CAMK1D: variants seen among roughly 807,000 people sequenced by gnomAD.
CAMK1D encodes calcium/calmodulin dependent protein kinase ID.
Under a neutral mutation model 47.7 loss-of-function variants are expected in CAMK1D, and 9 were observed. That is an observed-to-expected ratio of 0.19 (90% CI 0.11 to 0.33). The LOEUF (loss-of-function observed/expected upper bound fraction) is 0.33, where lower values mean the gene tolerates loss of function less well. CAMK1D is among the 10% of genes least tolerant of loss of function. The pLI is 1.00. For missense variants in CAMK1D, 291 were observed against 488.7 expected (o/e 0.60, Z 3.81); for synonymous variants, 184 against 184.9 (o/e 0.99, Z 0.04).
chr10:12,629,580 G>GT (rs1839319203), intron 2 of CAMK1D, among the ~76,000 whole-genome samples: 1 of 152,128 alleles, frequency 6.6e-6, no homozygotes, highest in South Asian at 2.1e-4. Flanking sequence ...GTGTGGGAGG[G>GT]TCCTGATTAT....
At position 12,413,419 on chromosome 10, in the gene CAMK1D, C is replaced by G. The variant is rs1231392942; in HGVS notation, c.92+63509C>G. Among the ~76,000 whole-genome samples, 8 of 140,018 alleles carry G rather than the reference C, an allele frequency of 5.7e-5. No individual in the cohort carries two copies. In the Admixed American group the frequency reaches 5.8e-4, roughly 10 times the overall value. 91.9% of individuals were successfully genotyped at this position (140,018 alleles called of 152,430 possible). A position where few individuals can be genotyped will look rare whatever the true frequency, so the allele number is the denominator to read the frequency against. ...ATAACATTTGGGCAGGGACAAATATCCAAACTTTATCAGTGTGTTAGAGAG... is the reference window on the plus strand; with the variant it reads ...ATAACATTTGGGCAGGGACAAATATGCAAACTTTATCAGTGTGTTAGAGAG... On this transcript the variant is annotated intron_variant, in intron 1 of 10. Transcript: ENST00000619168.
At chr10:12,697,931 C>T (rs1167208578) in intron 3 of CAMK1D, among the ~76,000 whole-genome samples, 60 of 152,032 alleles carry the variant, frequency 3.9e-4, no homozygotes, top group Non-Finnish European at 5.9e-5. Context: ...GGAAATGGCT[C>T]TTGTAATTTT....
At chr10:12,725,160 A>G (rs1206805104) in intron 3 of CAMK1D, 2 of 153,840 alleles carry the variant, frequency 1.3e-5, no homozygotes, top group East Asian at 1.9e-4. Flanking sequence ...CCTGCCTGGT[A>G]CCTGCCCACA....
Position 12,611,588 on chromosome 10 carries a change from C to CTTTTTTTTTTTTTTT in CAMK1D, c.225-55141_225-55127dup, listed in dbSNP as rs71386105. Among the ~76,000 whole-genome samples the CTTTTTTTTTTTTTTT allele has an allele frequency of 1.6e-3, 96 of 59,946 alleles. 26 individuals carry two copies. The highest frequency in any genetic ancestry group is 0.037 in the Middle Eastern group (2 of 54). The allele number at this position is 59,946 out of a possible 152,430, so 39.3% of individuals were successfully genotyped here. A position where few individuals can be genotyped will look rare whatever the true frequency, so the allele number is the denominator to read the frequency against. On this transcript the variant is annotated intron_variant, in intron 2 of 10. Coordinates refer to ENST00000619168, the MANE Select transcript of CAMK1D (RefSeq NM_153498.4). ...CAGTTCCCTGAATGTTTCAGAATGCCTTTTTTTTTTTTTTTTTTTTTGAGA... is the reference window on the plus strand; with the variant it reads ...CAGTTCCCTGAATGTTTCAGAATGCCTTTTTTTTTTTTTTTTTTTTTTTTTTTTTTTTTTTTGAGA...
intron 5 of CAMK1D, among the ~76,000 whole-genome samples, chr10:12,781,604 C>A (rs1392455578): frequency 6.6e-6 from 1 of 151,594 alleles, no homozygotes; most frequent in Non-Finnish European, 1.5e-5. Context: ...TGTGGTGAAA[C>A]TCGAGGCTAC....
chr10:12,418,938 C>G (rs1839948820), intron 1 of CAMK1D, among the ~76,000 whole-genome samples: 1 of 152,108 alleles, frequency 6.6e-6, no homozygotes. Flanking sequence ...GGTGGAAGGC[C>G]TCAGTCGCGG....
chr10:12,716,514 G>C (rs145937109), intron 3 of CAMK1D, among the ~76,000 whole-genome samples: 9 of 152,258 alleles, frequency 5.9e-5, no homozygotes, highest in African/African-American at 2.2e-4. Context: ...GGGAGACAGA[G>C]GGGCTCTGAG....
chr10:12,703,623 C>T (rs1833614380), intron 3 of CAMK1D, among the ~76,000 whole-genome samples: 1 of 152,188 alleles, frequency 6.6e-6, no homozygotes, highest in South Asian at 2.1e-4. Flanking sequence ...AAACCCAGCA[C>T]TTTGGGAGGC....
intron 1 of CAMK1D, among the ~76,000 whole-genome samples, chr10:12,415,069 T>C (rs533885405): frequency 1.0e-3 from 154 of 152,284 alleles, no homozygotes; most frequent in African/African-American, 3.6e-3. Flanking sequence ...TTTCCTCTTG[T>C]TTTCATGTGT....
At chr10:12,741,233 G>C (rs1057417031) in intron 3 of CAMK1D, among the ~76,000 whole-genome samples, 3 of 152,216 alleles carry the variant, frequency 2.0e-5, no homozygotes, top group African/African-American at 4.8e-5. Context: ...CTCTCTGAGA[G>C]CCTGAGTACT....
intron 1 of CAMK1D, among the ~76,000 whole-genome samples, chr10:12,364,031 T>C (rs1290241374): frequency 6.6e-6 from 1 of 152,104 alleles, no homozygotes; most frequent in Non-Finnish European, 1.5e-5. Flanking sequence ...CGCCATACTG[T>C]TTTCCACAGC....
At chr10:12,457,929 T>G (rs1433476618) in intron 1 of CAMK1D, among the ~76,000 whole-genome samples, 1 of 152,090 alleles carries the variant, frequency 6.6e-6, no homozygotes, top group Non-Finnish European at 1.5e-5. Context: ...TGATTGGGAA[T>G]AGGTGTCGGA....
intron 6 of CAMK1D, among the ~76,000 whole-genome samples, chr10:12,811,705 A>G (rs1426646174): frequency 1.3e-5 from 2 of 152,262 alleles, no homozygotes; most frequent in African/African-American, 4.8e-5. Flanking sequence ...AAGAAAGCCA[A>G]ACCCTAAAGA....
intron 3 of CAMK1D, among the ~76,000 whole-genome samples, chr10:12,710,176 C>G (rs1833882495): frequency 6.6e-6 from 1 of 152,232 alleles, no homozygotes; most frequent in African/African-American, 2.4e-5. Flanking sequence ...CCGTTTGTAA[C>G]TATCAGCTTC....
chr10:12,714,761 T>TACACACAC (rs55827922), intron 3 of CAMK1D, among the ~76,000 whole-genome samples: 4,562 of 130,486 alleles, frequency 0.035, 119 homozygotes, highest in African/African-American at 0.055. Flanking sequence ...TACATTAAAT[T>TACACACAC]ACACACACAC....
chr10:12,543,460 AATT>A (rs1196859718), intron 1 of CAMK1D, among the ~76,000 whole-genome samples: 1 of 152,182 alleles, frequency 6.6e-6, no homozygotes, highest in Non-Finnish European at 1.5e-5. Context: ...TTATAATAAT[AATT>A]GGTAGTGAGG....
At chr10:12,690,416 G>A (rs1047889367) in intron 3 of CAMK1D, among the ~76,000 whole-genome samples, 1 of 152,146 alleles carries the variant, frequency 6.6e-6, no homozygotes, top group Non-Finnish European at 1.5e-5. Flanking sequence ...AAGGGAGGGC[G>A]AAGTTGTTAT....
At chr10:12,591,712 GA>G (rs1312883844) in intron 2 of CAMK1D, among the ~76,000 whole-genome samples, 2 of 152,200 alleles carry the variant, frequency 1.3e-5, no homozygotes, top group African/African-American at 4.8e-5. Context: ...TTTGTTTTTT[GA>G]GACGGAGTCT....
At chr10:12,386,916 A>G (rs572510598) in intron 1 of CAMK1D, among the ~76,000 whole-genome samples, 63 of 152,258 alleles carry the variant, frequency 4.1e-4, no homozygotes, top group African/African-American at 1.5e-3. Context: ...AGATAACTTT[A>G]CTCAGCCGGG....
Sources: gnomAD v4.1 joint callset for allele counts (sites outside exome capture counted in the v4.1 genomes callset) on GRCh38, gnomAD v4.1.1 for gene constraint, MANE v1.5 for transcripts, NCBI Gene and HGNC (gene_info 2026-07-23, HGNC 2026-07-21) for gene names.